Variants in NAV1 observed in about 807,000 individuals in gnomAD.
NAV1 encodes neuron navigator 1.
A neutral mutation model predicts 175.2 loss-of-function variants in NAV1; 18 were observed. The ratio of observed to expected loss-of-function variants is 0.10; its 90% confidence interval spans 0.07 to 0.15. The LOEUF (loss-of-function observed/expected upper bound fraction) is 0.15, where lower values mean the gene tolerates loss of function less well. Among genes scored for constraint, NAV1 ranks in the 10% least tolerant of loss-of-function variants. NAV1 has a pLI of 1.00. For synonymous variants in NAV1, 897 were observed against 978.7 expected, an observed-to-expected ratio of 0.92 and a Z score of 1.56; for missense variants, 1,731 against 2,436.6, an observed-to-expected ratio of 0.71 and a Z score of 6.10.
At chr1:201,571,854 T>C (rs916734072) in intron 1 of NAV1, among the ~76,000 whole-genome samples, 13 of 152,208 alleles carry the variant, frequency 8.5e-5, no homozygotes, top group African/African-American at 3.1e-4. Flanking sequence ...AAATTGTTTA[T>C]CACAGGGGAA....
At chr1:201,546,704 A>G (rs1430038494) in intron 1 of NAV1, among the ~76,000 whole-genome samples, 1 of 151,920 alleles carries the variant, frequency 6.6e-6, no homozygotes, top group Non-Finnish European at 1.5e-5. Context: ...GGAGATCTAG[A>G]CCATCCTGGT....
chr1:201,794,830 T>C (rs1677337873), intron 15 of NAV1: 2 of 440,994 alleles, frequency 4.5e-6, no homozygotes, highest in Non-Finnish European at 8.2e-6. Flanking sequence ...AACCTTTACC[T>C]CACGGCCAAA....
At chr1:201,817,932 TAA>T (rs970661375) in intron 29 of NAV1, among the ~76,000 whole-genome samples, 2 of 151,880 alleles carry the variant, frequency 1.3e-5, no homozygotes, top group African/African-American at 4.8e-5. Context: ...GAAGAATGGA[TAA>T]AAGATATAAA....
chr1:201,713,716 G>T (rs534852513), intron 2 of NAV1, among the ~76,000 whole-genome samples: 1 of 152,214 alleles, frequency 6.6e-6, no homozygotes, highest in Non-Finnish European at 1.5e-5. Context: ...ATCATGGGGG[G>T]TGTGGGGCAG....
In NAV1 at chr1:201,615,799, C is replaced by T. The variant is rs922338734; in HGVS notation, c.-32-7054C>T. ...CTCTTTCCATGACACATTTTTCGAG[C>T]TGTCTAGTTTCCTACCCTTTCCACT... On this transcript the variant is annotated intron_variant, in intron 2 of 33. Transcript: ENST00000685211. Among the ~76,000 whole-genome samples the T allele has an allele frequency of 3.9e-5, 6 of 152,186 alleles. No homozygotes were observed. In the South Asian group the frequency reaches 1.2e-3, roughly 31 times the overall value.
intron 1 of NAV1, among the ~76,000 whole-genome samples, chr1:201,558,824 G>A (rs6680020): frequency 0.17 from 25,183 of 152,118 alleles, 2,871 homozygotes; most frequent in East Asian, 0.3. Flanking sequence ...TAAAACTTCA[G>A]GGAAGGAATC....
intron 1 of NAV1, among the ~76,000 whole-genome samples, chr1:201,677,250 C>CAAAAAAAAAAAAAAAAAAAAAAAAA (rs3053786): frequency 9.0e-6 from 1 of 110,706 alleles, no homozygotes; most frequent in African/African-American, 3.5e-5. Context: ...GACTCCATCT[C>CAAAAAAAAAAAAAAAAAAAAAAAAA]AAAAAAAAAA....
At chr1:201,689,045 G>T (rs1192040631) in intron 1 of NAV1, among the ~76,000 whole-genome samples, 1 of 152,166 alleles carries the variant, frequency 6.6e-6, no homozygotes, top group African/African-American at 2.4e-5. Context: ...ACCTTCATGG[G>T]CTTCCAAGAG....
At chr1:201,643,540 T>C (rs943860353), upstream of NAV1, among the ~76,000 whole-genome samples, 6 of 151,864 alleles carry the variant, frequency 4.0e-5, no homozygotes, top group African/African-American at 1.5e-4. Flanking sequence ...TCCTCCCAAG[T>C]AGCTGGAATT....
chr1:201,802,924 C>T (rs1013842681), intron 15 of NAV1, among the ~76,000 whole-genome samples: 4 of 152,228 alleles, frequency 2.6e-5, no homozygotes, highest in African/African-American at 9.6e-5. Context: ...TTCCTCAAAG[C>T]AAAGCCAGTT....
At chr1:201,553,355 T>C (rs1366345973) in intron 1 of NAV1, among the ~76,000 whole-genome samples, 1 of 152,250 alleles carries the variant, frequency 6.6e-6, no homozygotes, top group Non-Finnish European at 1.5e-5. Flanking sequence ...GAGCCTGGGC[T>C]GCTTCCTAAA....
intron 15 of NAV1, among the ~76,000 whole-genome samples, chr1:201,801,761 T>A (rs1389405768): frequency 1.3e-5 from 2 of 152,218 alleles, no homozygotes; most frequent in East Asian, 1.9e-4. Context: ...AAAAGGATTT[T>A]AAAAATCAGA....
intron 3 of NAV1, among the ~76,000 whole-genome samples, chr1:201,742,674 A>T (rs2102561649): frequency 6.6e-6 from 1 of 152,274 alleles, no homozygotes; most frequent in East Asian, 1.9e-4. Context: ...AGACTCGCTC[A>T]CTACGGTTGC....
intron 2 of NAV1, among the ~76,000 whole-genome samples, chr1:201,639,620 C>T (rs1668695200): frequency 6.6e-6 from 1 of 152,158 alleles, no homozygotes; most frequent in African/African-American, 2.4e-5. Context: ...GCTGAGAAAC[C>T]CTTGGCTGAA....
At chr1:201,635,292 G>A (rs377530599) in intron 2 of NAV1, among the ~76,000 whole-genome samples, 19 of 151,814 alleles carry the variant, frequency 1.3e-4, no homozygotes, top group Middle Eastern at 6.8e-3. Flanking sequence ...CGATCTGCCC[G>A]CCTCAGCCTC....
chr1:201,556,494 G>A (rs1013596103), intron 1 of NAV1, among the ~76,000 whole-genome samples: 2 of 152,186 alleles, frequency 1.3e-5, no homozygotes, highest in Admixed American at 6.5e-5. Context: ...GGACAGTGGG[G>A]GGACAGTGGA....
At chr1:201,801,221 T>TA (rs1677845232) in intron 15 of NAV1, among the ~76,000 whole-genome samples, 1 of 152,256 alleles carries the variant, frequency 6.6e-6, no homozygotes, top group African/African-American at 2.4e-5. Context: ...GTTTTCCAAA[T>TA]ACCTTATGAG....
intron 28 of NAV1, among the ~76,000 whole-genome samples, chr1:201,815,234 T>C (rs1678953402): frequency 6.6e-6 from 1 of 151,692 alleles, no homozygotes; most frequent in Non-Finnish European, 1.5e-5. Flanking sequence ...AATTATTCAG[T>C]TGTAAAAAAG....
At chr1:201,686,546 C>G (rs560227781) in intron 1 of NAV1, among the ~76,000 whole-genome samples, 4 of 152,346 alleles carry the variant, frequency 2.6e-5, no homozygotes, top group African/African-American at 4.8e-5. Flanking sequence ...TACTTTGTCT[C>G]TAGTGTGTCC....
Sources: allele counts gnomAD v4.1 joint callset (sites outside exome capture counted in the v4.1 genomes callset), GRCh38; gene constraint gnomAD v4.1.1; transcripts MANE v1.5; gene names NCBI Gene and HGNC (gene_info 2026-07-23, HGNC 2026-07-21).